The following ANTXR1 variants were observed in gnomAD, a reference collection of about 807,000 sequenced individuals.
ANTXR1 encodes the protein ANTXR cell adhesion molecule 1.
ANTXR1 carries 19 observed loss-of-function variants against 78.1 expected under a neutral mutation model. That is an observed-to-expected ratio of 0.24 (90% confidence interval 0.17 to 0.36). ANTXR1 has a LOEUF of 0.36. Ranked by LOEUF, ANTXR1 falls within the 10% of genes least tolerant of loss-of-function variation. The probability of loss-of-function intolerance (pLI) is 1.00; values close to 1 mark genes in which losing one functional copy is unlikely to be tolerated. For synonymous variants in ANTXR1, 273 were observed against 260.5 expected (o/e 1.05, Z -0.46); for missense variants, 518 against 718.6 (o/e 0.72, Z 3.19).
intron 12 of ANTXR1, among the ~76,000 whole-genome samples, chr2:69,137,901 T>C (rs943504829): frequency 1.1e-4 from 16 of 150,482 alleles, no homozygotes; most frequent in Non-Finnish European, 1.9e-4. Flanking sequence ...CTGGCAAACA[T>C]GGTGAAACCC....
At chr2:69,115,170 C>G (rs1672102430) in intron 10 of ANTXR1, among the ~76,000 whole-genome samples, 1 of 152,228 alleles carries the variant, frequency 6.6e-6, no homozygotes. Context: ...CAAAACTGCT[C>G]AGGCATTGCT....
intron 17 of ANTXR1, among the ~76,000 whole-genome samples, chr2:69,232,861 G>A (rs1480450821): frequency 6.6e-6 from 1 of 152,088 alleles, no homozygotes. Flanking sequence ...CAGTATCATC[G>A]ATGAATCTTT....
intron 3 of ANTXR1, among the ~76,000 whole-genome samples, chr2:69,061,505 CAA>C (rs59372854): frequency 0.011 from 1,426 of 125,190 alleles, 24 homozygotes; most frequent in African/African-American, 0.036. Flanking sequence ...AAACAACTGC[CAA>C]AAAAAAAAAA....
chr2:69,021,035 G>A (rs1322260499), intron 1 of ANTXR1, among the ~76,000 whole-genome samples: 3 of 152,218 alleles, frequency 2.0e-5, no homozygotes, highest in Admixed American at 6.5e-5. Context: ...AAAGGCTTCA[G>A]TGAGGATTTG....
chr2:69,126,192 C>T (rs1206593891), intron 12 of ANTXR1, among the ~76,000 whole-genome samples: 1 of 152,144 alleles, frequency 6.6e-6, no homozygotes, highest in Non-Finnish European at 1.5e-5. Context: ...TCCTAATGCC[C>T]CCAACACCAA....
rs75503713 is a variant in ANTXR1 at position 69,021,856 on chromosome 2, G to C, written c.152+8205G>C. Among the ~76,000 whole-genome samples, 763 of 152,248 alleles carry C rather than the reference G, an allele frequency of 5.0e-3. 8 individuals are homozygous for C. The highest frequency in any genetic ancestry group is 0.017 in the African/African-American group (696 of 41,526). On this transcript the variant is annotated intron_variant, in intron 1 of 17. Transcript: ENST00000303714. ...AAAGGTCAGTTTTGAGCCAAGTCTTGGATATACAGCATTCATCAACCTAGA... is the reference window on the plus strand; with the variant it reads ...AAAGGTCAGTTTTGAGCCAAGTCTTCGATATACAGCATTCATCAACCTAGA...
intron 17 of ANTXR1, among the ~76,000 whole-genome samples, chr2:69,244,544 A>G (rs1445348560): frequency 6.6e-6 from 1 of 152,210 alleles, no homozygotes; most frequent in African/African-American, 2.4e-5. Flanking sequence ...TGCCTCCTTC[A>G]TTCATTACCG....
intron 1 of ANTXR1, among the ~76,000 whole-genome samples, chr2:69,037,045 A>G (rs1669456029): frequency 6.6e-6 from 1 of 152,214 alleles, no homozygotes; most frequent in African/African-American, 2.4e-5. Context: ...CATTCTGTTC[A>G]GAGATCTCCT....
At chr2:69,165,897 A>G (rs916410207) in intron 13 of ANTXR1, among the ~76,000 whole-genome samples, 1 of 152,252 alleles carries the variant, frequency 6.6e-6, no homozygotes. Context: ...GCTTTATCTC[A>G]CTTTAACAAT....
intron 14 of ANTXR1, among the ~76,000 whole-genome samples, chr2:69,175,019 C>G (rs1195820172): frequency 6.6e-6 from 1 of 152,210 alleles, no homozygotes; most frequent in Non-Finnish European, 1.5e-5. Context: ...AGTCTTTCCT[C>G]ACTGGTCCCT....
chr2:69,151,705 C>T (rs1162922435), intron 12 of ANTXR1, among the ~76,000 whole-genome samples: 3 of 152,302 alleles, frequency 2.0e-5, no homozygotes, highest in Non-Finnish European at 4.4e-5. Flanking sequence ...TTTCCATCCA[C>T]AGCTTTATGA....
chr2:69,203,622 T>C lies in ANTXR1; in HGVS notation c.1434+10207T>C, dbSNP rs192842701. The stretch of plus-strand genomic sequence containing the variant: ...TACGTATGAAAGCAATTGCTATGGT[T>C]GAGCAATCTTCCTCTCCCTCTCTCT... On this transcript the variant is annotated intron_variant, in intron 17 of 17. Coordinates refer to ENST00000303714, the MANE Select transcript of ANTXR1 (RefSeq NM_032208.3). Among the ~76,000 whole-genome samples the C allele has an allele frequency of 3.9e-5, 6 of 152,226 alleles. No homozygotes were observed. In the East Asian group the frequency reaches 9.6e-4, roughly 24 times the overall value.
rs565973221 is a variant in ANTXR1, at chr2:69,067,335, T to C, written c.297-3312T>C. ...AAAAAAAAAAAAGTCAAGAAAATAC[T>C]TGTAAAGAAAGGGAAATAGGCTTAG... On this transcript the variant is annotated intron_variant, in intron 3 of 17. Coordinates refer to ENST00000303714, the MANE Select transcript of ANTXR1 (RefSeq NM_032208.3). Among the ~76,000 whole-genome samples, 18 of 150,004 alleles carry C rather than the reference T, an allele frequency of 1.2e-4. No individual in the cohort carries two copies. In the South Asian group the frequency reaches 3.8e-3, roughly 32 times the overall value.
At chr2:69,079,838 T>C (rs1459826702) in intron 8 of ANTXR1, among the ~76,000 whole-genome samples, 3 of 152,218 alleles carry the variant, frequency 2.0e-5, no homozygotes, top group Admixed American at 6.5e-5. Flanking sequence ...GCCGTGTGCC[T>C]AACTCCAAGT....
At chr2:69,044,675 G>A in intron 2 of ANTXR1, 67 bp from the exon 3 acceptor site, 2 of 1,520,760 alleles carry the variant, frequency 1.3e-6, no homozygotes, top group Non-Finnish European at 1.8e-6. Flanking sequence ...GGACAGGGAG[G>A]GAGCCTGAAG....
At chr2:69,127,172 G>A (rs773710031) in intron 12 of ANTXR1, among the ~76,000 whole-genome samples, 6 of 152,204 alleles carry the variant, frequency 3.9e-5, no homozygotes, top group Non-Finnish European at 5.9e-5. Context: ...AGATGCTATA[G>A]GATAATTAGA....
intron 16 of ANTXR1, among the ~76,000 whole-genome samples, chr2:69,190,619 A>G (rs918953467): frequency 2.0e-5 from 3 of 152,196 alleles, no homozygotes; most frequent in Admixed American, 2.0e-4. Context: ...ATATGAGAAA[A>G]GTAAGGCTTA....
At chr2:69,139,136 A>G (rs1048052252) in intron 12 of ANTXR1, among the ~76,000 whole-genome samples, 5 of 152,352 alleles carry the variant, frequency 3.3e-5, no homozygotes, top group Middle Eastern at 3.4e-3. Context: ...CACTCTAAAT[A>G]AAATTATGTC....
intron 17 of ANTXR1, among the ~76,000 whole-genome samples, chr2:69,222,937 C>T (rs1448508216): frequency 1.3e-5 from 2 of 152,168 alleles, no homozygotes; most frequent in East Asian, 3.8e-4. Flanking sequence ...AATGTGCATT[C>T]AGATATGAGG....
Sources: gnomAD v4.1 joint callset for allele counts (sites outside exome capture counted in the v4.1 genomes callset) on GRCh38, gnomAD v4.1.1 for gene constraint, MANE v1.5 for transcripts, NCBI Gene and HGNC (gene_info 2026-07-23, HGNC 2026-07-21) for gene names.